ITFG1: variants seen among roughly 807,000 people sequenced by gnomAD.
ITFG1 encodes integrin alpha FG-GAP repeat containing 1, also known as T-cell immunomodulatory protein.
A neutral mutation model predicts 81.8 loss-of-function variants in ITFG1; 34 were observed. The observed-to-expected ratio is 0.42, with a 90% CI of 0.32 to 0.55. The LOEUF (loss-of-function observed/expected upper bound fraction) is 0.55, where lower values mean the gene tolerates loss of function less well. ITFG1 is among the 20% of genes least tolerant of loss of function. The pLI is 0.17. For missense variants in ITFG1, 672 were observed against 755.4 expected, an observed-to-expected ratio of 0.89 and a Z score of 1.29; for synonymous variants, 285 against 270.6, an observed-to-expected ratio of 1.05 and a Z score of -0.52.
chr16:47,162,739 A>G (rs1964828131), intron 14 of ITFG1, 75 bp from the exon 15 acceptor site: 2 of 1,356,694 alleles, frequency 1.5e-6, no homozygotes, highest in Admixed American at 4.7e-5. Flanking sequence ...AAAATGATAA[A>G]ATGTTAAAAA....
chr16:47,224,876 G>A (rs1965739242), intron 13 of ITFG1, among the ~76,000 whole-genome samples: 1 of 152,160 alleles, frequency 6.6e-6, no homozygotes, highest in Non-Finnish European at 1.5e-5. Flanking sequence ...GCAAGTGCCT[G>A]TGGTCCCAGC....
Position 47,155,636 on chromosome 16 carries a change from A to C in ITFG1, c.*83T>G, listed in dbSNP as rs1341185482. The C allele has an allele frequency of 2.5e-6, 2 of 810,200 alleles. No individual in the cohort carries two copies. Among genetic ancestry groups the C allele is most frequent in the African/African-American group, 3.5e-5 (2 of 57,226 alleles). 50.2% of individuals were successfully genotyped at this position (810,200 alleles called of 1,614,324 possible). A position where few individuals can be genotyped will look rare whatever the true frequency, so the allele number is the denominator to read the frequency against. ...ATACATCATTTATAAATAATATTTA[A>C]TCTCCCCTATTTTTTCAAGCCAGAA... is the stretch of plus-strand genomic sequence containing the variant. On this transcript the variant is annotated 3_prime_UTR_variant, in exon 18 of 18. Transcript: ENST00000320640.
intron 8 of ITFG1, among the ~76,000 whole-genome samples, chr16:47,326,003 C>A (rs1967533899): frequency 6.6e-6 from 1 of 152,126 alleles, no homozygotes; most frequent in Non-Finnish European, 1.5e-5. Flanking sequence ...ATAACAATGC[C>A]TGGCAGAGAC....
chr16:47,259,672 G>T (rs756676432), intron 11 of ITFG1, among the ~76,000 whole-genome samples: 1 of 152,100 alleles, frequency 6.6e-6, no homozygotes, highest in African/African-American at 2.4e-5. Flanking sequence ...ATCTTACAAG[G>T]ATATACTGTG....
chr16:47,277,898 G>C (rs1966414826), intron 10 of ITFG1, among the ~76,000 whole-genome samples: 1 of 152,172 alleles, frequency 6.6e-6, no homozygotes, highest in Non-Finnish European at 1.5e-5. Context: ...ATTTGGGAGA[G>C]ACAAGCTTAT....
intron 8 of ITFG1, among the ~76,000 whole-genome samples, chr16:47,340,616 A>G (rs1252155743): frequency 1.3e-5 from 2 of 152,212 alleles, no homozygotes; most frequent in Non-Finnish European, 2.9e-5. Context: ...GAAAGAGAAA[A>G]AAAGTGAAAA....
chr16:47,274,094 TA>T, intron 10 of ITFG1, among the ~76,000 whole-genome samples: 1 of 152,094 alleles, frequency 6.6e-6, no homozygotes, highest in East Asian at 1.9e-4. Flanking sequence ...CCATCTCTAC[TA>T]AAAATACAAA....
intron 6 of ITFG1, among the ~76,000 whole-genome samples, chr16:47,388,228 C>G (rs74543556): frequency 4.0e-5 from 6 of 151,788 alleles, no homozygotes; most frequent in Non-Finnish European, 8.8e-5. Flanking sequence ...CCAAGATATA[C>G]GTAATGGAAG....
chr16:47,210,328 C>T (rs1179072433), intron 14 of ITFG1, among the ~76,000 whole-genome samples: 1 of 152,030 alleles, frequency 6.6e-6, no homozygotes, highest in Non-Finnish European at 1.5e-5. Context: ...TAATTGCTAC[C>T]TATGTATCTT....
chr16:47,294,955 G>T (rs1966961176), intron 10 of ITFG1, among the ~76,000 whole-genome samples: 1 of 152,084 alleles, frequency 6.6e-6, no homozygotes, highest in Non-Finnish European at 1.5e-5. Context: ...TCGGGGAAGA[G>T]CTTTCAATGT....
intron 14 of ITFG1, among the ~76,000 whole-genome samples, chr16:47,170,942 C>T (rs540025525): frequency 2.2e-4 from 33 of 151,492 alleles, no homozygotes; most frequent in African/African-American, 7.7e-4. Context: ...GTCATGTTGG[C>T]CAGGCTAGTC....
intron 8 of ITFG1, among the ~76,000 whole-genome samples, chr16:47,348,757 G>C (rs965817035): frequency 1.3e-5 from 2 of 152,142 alleles, no homozygotes; most frequent in South Asian, 4.1e-4. Flanking sequence ...ACACATAATT[G>C]TTAGATTCAC....
intron 8 of ITFG1, among the ~76,000 whole-genome samples, chr16:47,365,075 C>T (rs1423877941): frequency 6.6e-6 from 1 of 152,202 alleles, no homozygotes; most frequent in East Asian, 1.9e-4. Flanking sequence ...ATATTACTGT[C>T]ATTCCCATTT....
intron 8 of ITFG1, among the ~76,000 whole-genome samples, chr16:47,365,397 T>TA (rs11461649): frequency 0.12 from 18,370 of 152,214 alleles, 2,452 homozygotes; most frequent in African/African-American, 0.33. Flanking sequence ...AATTAAGTTG[T>TA]AATAAAAATG....
intron 6 of ITFG1, among the ~76,000 whole-genome samples, chr16:47,427,755 C>G (rs1206622678): frequency 1.3e-5 from 2 of 152,204 alleles, no homozygotes; most frequent in Admixed American, 1.3e-4. Context: ...TCGGCATGAA[C>G]CTTGTTTAAC....
chr16:47,339,596 G>A (rs551033751), intron 8 of ITFG1, among the ~76,000 whole-genome samples: 1 of 152,166 alleles, frequency 6.6e-6, no homozygotes, highest in South Asian at 2.1e-4. Context: ...CCCTAGAAAT[G>A]GGGGGCCTCA....
At chr16:47,360,532 G>A (rs1968096126) in intron 8 of ITFG1, among the ~76,000 whole-genome samples, 1 of 152,100 alleles carries the variant, frequency 6.6e-6, no homozygotes, top group Non-Finnish European at 1.5e-5. Context: ...ATAAGACCAA[G>A]TACAGAAAGC....
intron 14 of ITFG1, among the ~76,000 whole-genome samples, chr16:47,201,786 T>C (rs1030077833): frequency 1.3e-5 from 2 of 152,212 alleles, no homozygotes; most frequent in African/African-American, 4.8e-5. Flanking sequence ...TATACAAATC[T>C]TAGCAGTAAT....
chr16:47,163,289 GTC>G (rs1486528707), intron 14 of ITFG1, among the ~76,000 whole-genome samples: 1 of 152,172 alleles, frequency 6.6e-6, no homozygotes, highest in African/African-American at 2.4e-5. Context: ...GAGAAGCCAT[GTC>G]TGTTTCCAAC....
Sources: allele counts gnomAD v4.1 joint callset (sites outside exome capture counted in the v4.1 genomes callset), GRCh38; gene constraint gnomAD v4.1.1; transcripts MANE v1.5; gene names NCBI Gene and HGNC (gene_info 2026-07-23, HGNC 2026-07-21).